EXOC3L2: variants seen among roughly 807,000 people sequenced by gnomAD.
The protein encoded by EXOC3L2 is exocyst complex component 3-like protein 2.
EXOC3L2 carries 17 observed loss-of-function variants against 44.4 expected under a neutral mutation model. The observed-to-expected ratio is 0.38, with a 90% CI of 0.26 to 0.57. The LOEUF is 0.57. Among genes scored for constraint, EXOC3L2 ranks in the 20% least tolerant of loss-of-function variants. The pLI, the probability that EXOC3L2 is intolerant of heterozygous loss-of-function variation, is 0.65. For missense variants in EXOC3L2, 541 were observed against 588.4 expected, an observed-to-expected ratio of 0.92 and a Z score of 0.83; for synonymous variants, 256 against 253.7, an observed-to-expected ratio of 1.01 and a Z score of -0.09.
intron 1 of EXOC3L2, among the ~76,000 whole-genome samples, chr19:45,243,959 T>C (rs1039052371): frequency 2.0e-5 from 3 of 151,856 alleles, no homozygotes; most frequent in African/African-American, 7.3e-5. Context: ...AGTCTCACTC[T>C]GTCACCCAGG....
chr19:45,224,462 C>T (rs548493314), intron 8 of EXOC3L2, among the ~76,000 whole-genome samples: 14 of 152,142 alleles, frequency 9.2e-5, no homozygotes, highest in Non-Finnish European at 1.6e-4. Context: ...CCCTATAGGG[C>T]GGGCACGAGG....
intron 1 of EXOC3L2, among the ~76,000 whole-genome samples, chr19:45,241,302 C>G (rs1402456160): frequency 2.0e-5 from 3 of 151,870 alleles, no homozygotes; most frequent in Non-Finnish European, 4.4e-5. Context: ...CATGGTGAAA[C>G]CTCGTCTCTA....
At chr19:45,241,638 C>T (rs1289054597) in intron 1 of EXOC3L2, among the ~76,000 whole-genome samples, 1 of 152,170 alleles carries the variant, frequency 6.6e-6, no homozygotes, top group Non-Finnish European at 1.5e-5. Flanking sequence ...GTCCCGTAGC[C>T]TCCTCCTTAC....
At chr19:45,226,378 C>T (rs967475474) in intron 7 of EXOC3L2, among the ~76,000 whole-genome samples, 1 of 152,140 alleles carries the variant, frequency 6.6e-6, no homozygotes, top group East Asian at 1.9e-4. Context: ...GAGGCAGGAG[C>T]ATCACTTGAG....
At chr19:45,244,718 G>A (rs1007670358) in intron 1 of EXOC3L2, among the ~76,000 whole-genome samples, 4 of 151,994 alleles carry the variant, frequency 2.6e-5, no homozygotes, top group African/African-American at 4.8e-5. Flanking sequence ...CCCTGACCTC[G>A]GTTTGCGGAA....
intron 2 of EXOC3L2, among the ~76,000 whole-genome samples, chr19:45,236,465 CAAAAAAAAAA>C (rs34024056): frequency 6.7e-5 from 3 of 44,996 alleles, no homozygotes; most frequent in African/African-American, 8.9e-5. Context: ...GACTCCATCT[CAAAAAAAAAA>C]AAAAAAAAAA....
chr19:45,213,055 C>A lies in EXOC3L2; in HGVS notation c.*14G>T. On this transcript the variant is annotated 3_prime_UTR_variant, in exon 12 of 12. Coordinates refer to ENST00000413988, the MANE Select transcript of EXOC3L2 (RefSeq NM_001382422.1). ...GCATAGATGGGGTCACTAAGGCCGG[C>A]GGTTGGGTGACCCTCAGCGCTGGGC... 1 of 1,469,634 alleles carries A rather than the reference C, an allele frequency of 6.8e-7. No homozygotes were observed. The highest frequency in any genetic ancestry group is 9.0e-7 in the Non-Finnish European group (1 of 1,115,700). 91.0% of individuals were successfully genotyped at this position (1,469,634 alleles called of 1,614,324 possible). A position where few individuals can be genotyped will look rare whatever the true frequency, so the allele number is the denominator to read the frequency against.
intron 7 of EXOC3L2, among the ~76,000 whole-genome samples, chr19:45,225,300 G>A (rs1251138816): frequency 6.7e-6 from 1 of 149,326 alleles, no homozygotes; most frequent in Non-Finnish European, 1.5e-5. Context: ...ACGGAGTCTC[G>A]CTCTGTCACC....
rs1970068633 is a variant in EXOC3L2 at position 45,234,892 on chromosome 19, TG to T, written c.524-67del. 2.7e-6 allele frequency: 1 copy of T among 374,432 alleles called. No homozygotes were observed. The highest frequency in any genetic ancestry group is 4.7e-6 in the Non-Finnish European group (1 of 211,280). The allele number at this position is 374,432 out of a possible 1,614,324, so 23.2% of individuals were successfully genotyped here. ...AGGAGGGCGATGCCGGACGCGGGGT[TG>T]GGGGTGCTTAGGAAGGGGAGAGAGA... On this transcript the variant is annotated intron_variant, in intron 2 of 11. Coordinates refer to ENST00000413988, the MANE Select transcript of EXOC3L2 (RefSeq NM_001382422.1). This position sits in a 1 kb window ranked among gnomAD's most constrained non-coding sequence, Gnocchi z 5.0.
chr19:45,226,854 G>A (rs190768620), intron 7 of EXOC3L2, among the ~76,000 whole-genome samples: 103 of 141,204 alleles, frequency 7.3e-4, no homozygotes, highest in African/African-American at 2.6e-3. Flanking sequence ...CCAGGTTCAC[G>A]CCATTCTCCT....
At chr19:45,223,291 G>A (rs77783265) in intron 8 of EXOC3L2, among the ~76,000 whole-genome samples, 8,330 of 152,048 alleles carry the variant, frequency 0.055, 607 homozygotes, top group African/African-American at 0.16. Context: ...GGCAGTAAGT[G>A]CTTTGGAGAA....
At chr19:45,231,966 G>A in intron 3 of EXOC3L2, 92 bp from the exon 4 acceptor site, 1 of 714,130 alleles carries the variant, frequency 1.4e-6, no homozygotes. Context: ...CTGTTTCTGT[G>A]ACCCTGGGCC....
chr19:45,244,071 A>C (rs969644333), intron 1 of EXOC3L2, among the ~76,000 whole-genome samples: 2 of 151,550 alleles, frequency 1.3e-5, no homozygotes, highest in African/African-American at 4.8e-5. Flanking sequence ...GTACAAGTGC[A>C]AGTCACCACA....
At chr19:45,236,465 CAAA>C (rs34024056) in intron 2 of EXOC3L2, among the ~76,000 whole-genome samples, 3 of 44,990 alleles carry the variant, frequency 6.7e-5, no homozygotes, top group Non-Finnish European at 1.2e-4. Flanking sequence ...GACTCCATCT[CAAA>C]AAAAAAAAAA....
rs1344818182 is a variant in EXOC3L2, at chr19:45,224,707, T to G, written c.1719+71A>C. On this transcript the variant is annotated intron_variant, in intron 8 of 11. Transcript: ENST00000413988. ...CACTGAGCCATGGGCTAAAAGGAAC[T>G]GGAGGATGGTGGGGGGCAGCGCTTC... 3.3e-6 allele frequency: 5 copies of G among 1,505,736 alleles called. No homozygotes were observed. In the Admixed American group the frequency reaches 1.1e-4, roughly 33 times the overall value. 93.3% of individuals were successfully genotyped at this position (1,505,736 alleles called of 1,614,324 possible). A position where few individuals can be genotyped will look rare whatever the true frequency, so the allele number is the denominator to read the frequency against.
chr19:45,244,905 G>T (rs917836465), intron 1 of EXOC3L2, among the ~76,000 whole-genome samples: 1 of 151,494 alleles, frequency 6.6e-6, no homozygotes, highest in Non-Finnish European at 1.5e-5. Context: ...CCTGATCTCG[G>T]TCTCTCCTGC....
intron 4 of EXOC3L2, among the ~76,000 whole-genome samples, chr19:45,231,195 G>T (rs1024811386): frequency 6.6e-6 from 1 of 152,198 alleles, no homozygotes; most frequent in African/African-American, 2.4e-5. Flanking sequence ...TCTGTGGCTG[G>T]AAGTAGGACT....
rs541616076 is a variant in EXOC3L2, at chr19:45,218,137, C to G, written c.1842+60G>C. On this transcript the variant is annotated intron_variant, in intron 9 of 11. Coordinates refer to ENST00000413988, the MANE Select transcript of EXOC3L2 (RefSeq NM_001382422.1). ...AATCTCCCCTCTTCCCGTCCCTTTC[C>G]CCTTTCCTCCTCCCCTCTTTTCCCC... is the stretch of plus-strand genomic sequence containing the variant. The G allele has an allele frequency of 7.6e-6, 10 of 1,313,066 alleles. No homozygotes were observed. In the African/African-American group the frequency reaches 1.3e-4, roughly 17 times the overall value. The allele number at this position is 1,313,066 out of a possible 1,614,324, so 81.3% of individuals were successfully genotyped here. A position where few individuals can be genotyped will look rare whatever the true frequency, so the allele number is the denominator to read the frequency against.
intron 7 of EXOC3L2, among the ~76,000 whole-genome samples, chr19:45,226,001 G>C (rs963642709): frequency 3.3e-5 from 5 of 152,136 alleles, no homozygotes; most frequent in African/African-American, 4.8e-5. Flanking sequence ...TCCTTCAACA[G>C]CTTGGAGACT....
Sources: allele counts gnomAD v4.1 joint callset (sites outside exome capture counted in the v4.1 genomes callset), GRCh38; gene constraint gnomAD v4.1.1; non-coding constraint Gnocchi (gnomAD v3.1); transcripts MANE v1.5; gene names NCBI Gene and HGNC (gene_info 2026-07-23, HGNC 2026-07-21).